The following FBXL7 variants were observed in gnomAD, a reference collection of about 807,000 sequenced individuals.
FBXL7 encodes F-box and leucine rich repeat protein 7.
FBXL7 carries 12 observed loss-of-function variants against 38.3 expected under a neutral mutation model. That is an observed-to-expected ratio of 0.31 (90% confidence interval 0.20 to 0.51). The LOEUF (loss-of-function observed/expected upper bound fraction) is 0.51, where lower values mean the gene tolerates loss of function less well. Among genes scored for constraint, FBXL7 ranks in the 20% least tolerant of loss-of-function variants. The pLI is 0.98. For synonymous variants in FBXL7, 297 were observed against 300.9 expected, an observed-to-expected ratio of 0.99 and a Z score of 0.13; for missense variants, 567 against 676.4, an observed-to-expected ratio of 0.84 and a Z score of 1.79.
In FBXL7 at chr5:15,866,398, C is replaced by T. The variant is rs376642248; in HGVS notation, c.128-61492C>T. ...TATCAGAGAAAACCACCAAAACATT[C>T]ACAGGTTGTGAATACAGTAATATAA... On this transcript the variant is annotated intron_variant, in intron 2 of 3. Transcript: ENST00000504595. Among the ~76,000 whole-genome samples, 150 of 152,298 alleles carry T rather than the reference C, an allele frequency of 9.8e-4. 4 individuals are homozygous for T. The highest frequency in any genetic ancestry group is 3.5e-3 in the African/African-American group (146 of 41,562).
chr5:15,554,412 A>G (rs1462480740), intron 1 of FBXL7, among the ~76,000 whole-genome samples: 1 of 151,912 alleles, frequency 6.6e-6, no homozygotes, highest in Non-Finnish European at 1.5e-5. Flanking sequence ...AACTGTAAAC[A>G]CTCCTTATTT....
In FBXL7 at chr5:15,936,432, T is replaced by C; in HGVS notation, c.740-18T>C. 1.2e-6 allele frequency: 2 copies of C among 1,606,274 alleles called. No homozygotes were observed. The highest frequency in any genetic ancestry group is 1.7e-6 in the Non-Finnish European group (2 of 1,176,202). ...GCTGGCAGGTTGCTCTGAGCCTGTGTTCTGTCTCTTTGTGCAGGATGCTCC... is the reference window on the plus strand; with the variant it reads ...GCTGGCAGGTTGCTCTGAGCCTGTGCTCTGTCTCTTTGTGCAGGATGCTCC... On this transcript the variant is annotated intron_variant, in intron 3 of 3. Coordinates refer to ENST00000504595, the MANE Select transcript of FBXL7 (RefSeq NM_012304.5). The surrounding 1 kb of genome is among the most constrained non-coding windows in gnomAD (Gnocchi z 6.0).
At chr5:15,541,534 C>G (rs1737754022) in intron 1 of FBXL7, among the ~76,000 whole-genome samples, 1 of 132,612 alleles carries the variant, frequency 7.5e-6, no homozygotes, top group Non-Finnish European at 1.6e-5. Context: ...CCTATTCCCA[C>G]TCACTCCTCT....
At chr5:15,922,005 A>G (rs1164395940) in intron 2 of FBXL7, among the ~76,000 whole-genome samples, 1 of 152,206 alleles carries the variant, frequency 6.6e-6, no homozygotes, top group Non-Finnish European at 1.5e-5. Context: ...TGAAATCACC[A>G]GCTCGTAAAT....
chr5:15,746,267 C>T (rs1406807362), intron 2 of FBXL7, among the ~76,000 whole-genome samples: 1 of 152,158 alleles, frequency 6.6e-6, no homozygotes, highest in African/African-American at 2.4e-5. Context: ...GCTTTTAAGA[C>T]ATCCAAGGGG....
intron 1 of FBXL7, among the ~76,000 whole-genome samples, chr5:15,575,117 A>G (rs183091055): frequency 3.3e-5 from 5 of 152,212 alleles, no homozygotes; most frequent in Admixed American, 3.3e-4. Flanking sequence ...AATACACAGG[A>G]CAGCATCCAC....
intron 1 of FBXL7, among the ~76,000 whole-genome samples, chr5:15,518,918 G>A (rs931941800): frequency 2.0e-5 from 3 of 151,912 alleles, no homozygotes; most frequent in Non-Finnish European, 4.4e-5. Flanking sequence ...TGTTTGGCCC[G>A]CCCACGAGAA....
intron 1 of FBXL7, among the ~76,000 whole-genome samples, chr5:15,609,307 G>C (rs1163339864): frequency 6.6e-6 from 1 of 152,178 alleles, no homozygotes; most frequent in East Asian, 1.9e-4. Flanking sequence ...TTGAGGCACA[G>C]GTTCAACCCC....
chr5:15,732,714 C>T (rs928390838), intron 2 of FBXL7, among the ~76,000 whole-genome samples: 1 of 152,164 alleles, frequency 6.6e-6, no homozygotes, highest in Non-Finnish European at 1.5e-5. Flanking sequence ...CTATTTGGAA[C>T]TACAACTGAT....
At chr5:15,628,083 G>A (rs1000090807) in intron 2 of FBXL7, among the ~76,000 whole-genome samples, 6 of 152,154 alleles carry the variant, frequency 3.9e-5, no homozygotes, top group African/African-American at 1.4e-4. Flanking sequence ...ATTGTAACGG[G>A]TGAAGTCTAT....
intron 2 of FBXL7, among the ~76,000 whole-genome samples, chr5:15,794,250 G>C (rs1167037765): frequency 6.6e-6 from 1 of 152,140 alleles, no homozygotes; most frequent in Non-Finnish European, 1.5e-5. Context: ...TCCATAGAAA[G>C]TTTTTAACAC....
At chr5:15,659,741 A>G (rs1163734747) in intron 2 of FBXL7, among the ~76,000 whole-genome samples, 1 of 152,204 alleles carries the variant, frequency 6.6e-6, no homozygotes, top group Non-Finnish European at 1.5e-5. Context: ...GGCTGTCTGT[A>G]TCAGCTTTAA....
intron 1 of FBXL7, among the ~76,000 whole-genome samples, chr5:15,595,151 A>G (rs752885720): frequency 6.6e-6 from 1 of 152,216 alleles, no homozygotes; most frequent in Non-Finnish European, 1.5e-5. Flanking sequence ...GTGAGAAAAT[A>G]TACATAAAAA....
At chr5:15,770,418 G>A (rs938196370) in intron 2 of FBXL7, among the ~76,000 whole-genome samples, 3 of 152,140 alleles carry the variant, frequency 2.0e-5, no homozygotes, top group Admixed American at 2.0e-4. Context: ...AATGCATCTG[G>A]TGCCTCCCTA....
At chr5:15,880,258 G>A (rs1740387221) in intron 2 of FBXL7, among the ~76,000 whole-genome samples, 1 of 149,026 alleles carries the variant, frequency 6.7e-6, no homozygotes, top group South Asian at 2.2e-4. Flanking sequence ...GTGTCTGATG[G>A]GTCCAGGTCC....
rs2126479391 is a variant in FBXL7 at position 15,939,055 on chromosome 5, A to G, written c.*1869A>G. On this transcript the variant is annotated 3_prime_UTR_variant, in exon 4 of 4. Transcript: ENST00000504595. ...GCACTCCTACTGTAGGCTCCTGTGC[A>G]TACTGTCGTCTTCTGTGGGGGATGG... The G allele has an allele frequency of 2.5e-6, 1 of 399,086 alleles. No individual in the cohort carries two copies. Among genetic ancestry groups the G allele is most frequent in the Non-Finnish European group, 4.4e-6 (1 of 226,062 alleles). The allele number at this position is 399,086 out of a possible 1,614,324, so 24.7% of individuals were successfully genotyped here.
intron 2 of FBXL7, among the ~76,000 whole-genome samples, chr5:15,750,440 C>T (rs985858535): frequency 6.6e-6 from 1 of 152,154 alleles, no homozygotes; most frequent in African/African-American, 2.4e-5. Flanking sequence ...ATCCTCTGAC[C>T]TTGAGTCTTT....
chr5:15,612,972 A>G (rs1580406419), intron 1 of FBXL7, among the ~76,000 whole-genome samples: 1 of 152,134 alleles, frequency 6.6e-6, no homozygotes, highest in Non-Finnish European at 1.5e-5. Context: ...TATGGATCTT[A>G]TTGTTTTTGC....
Position 15,937,291 on chromosome 5 carries a change from C to T in FBXL7, c.*105C>T. The T allele has an allele frequency of 7.5e-7, 1 of 1,328,928 alleles. No individual in the cohort carries two copies. Among genetic ancestry groups the T allele is most frequent in the Non-Finnish European group, 1.0e-6 (1 of 1,004,066 alleles). The allele number at this position is 1,328,928 out of a possible 1,614,324, so 82.3% of individuals were successfully genotyped here. A position where few individuals can be genotyped will look rare whatever the true frequency, so the allele number is the denominator to read the frequency against. On this transcript the variant is annotated 3_prime_UTR_variant, in exon 4 of 4. Transcript: ENST00000504595. ...CGACACCCACTCAAAACAGCTCTTT[C>T]TTCCGGGAAGGTTATTAGGAATCTG... is the stretch of plus-strand genomic sequence containing the variant.
Sources: gnomAD v4.1 joint callset for allele counts (sites outside exome capture counted in the v4.1 genomes callset) on GRCh38, gnomAD v4.1.1 for gene constraint, Gnocchi (gnomAD v3.1) non-coding constraint, MANE v1.5 for transcripts, NCBI Gene and HGNC (gene_info 2026-07-23, HGNC 2026-07-21) for gene names.